The following DLG2 variants were observed in gnomAD, a reference collection of about 807,000 sequenced individuals.
DLG2 encodes disks large homolog 2.
DLG2 carries 45 observed loss-of-function variants against 132.5 expected under a neutral mutation model. The observed-to-expected ratio is 0.34, with a 90% CI of 0.27 to 0.44. DLG2 has a LOEUF of 0.44. Ranked by LOEUF, DLG2 falls within the 20% of genes least tolerant of loss-of-function variation. The pLI, the probability that DLG2 is intolerant of heterozygous loss-of-function variation, is 1.00. For synonymous variants in DLG2, 424 were observed against 419.6 expected (o/e 1.01, Z -0.13); for missense variants, 1,045 against 1,196.9 (o/e 0.87, Z 1.87).
chr11:85,412,679 T>C (rs1277119325), intron 3 of DLG2, among the ~76,000 whole-genome samples: 1 of 150,098 alleles, frequency 6.7e-6, no homozygotes, highest in Non-Finnish European at 1.5e-5. Context: ...CATCCCAGTC[T>C]CTGTGAATGC....
At chr11:83,759,307 A>T (rs2093793487) in intron 18 of DLG2, among the ~76,000 whole-genome samples, 1 of 152,232 alleles carries the variant, frequency 6.6e-6, no homozygotes, top group African/African-American at 2.4e-5. Context: ...GCCGAATGGC[A>T]GAGGGCACAT....
At chr11:84,266,248 G>T (rs1456443401) in intron 7 of DLG2, among the ~76,000 whole-genome samples, 1 of 152,170 alleles carries the variant, frequency 6.6e-6, no homozygotes, top group Non-Finnish European at 1.5e-5. Context: ...AACTTCACAA[G>T]TGAGGAAGAT....
intron 8 of DLG2, among the ~76,000 whole-genome samples, chr11:84,197,282 A>G (rs938284697): frequency 6.6e-6 from 1 of 152,144 alleles, no homozygotes; most frequent in Admixed American, 6.5e-5. Context: ...TGACTCTTAC[A>G]TTATGCCATT....
At chr11:83,599,587 A>T (rs2058187376) in intron 19 of DLG2, among the ~76,000 whole-genome samples, 1 of 152,098 alleles carries the variant, frequency 6.6e-6, no homozygotes, top group Non-Finnish European at 1.5e-5. Context: ...TCTTTGTGAC[A>T]CCATGGGGCA....
At chr11:84,166,594 C>T (rs113388746) in intron 8 of DLG2, among the ~76,000 whole-genome samples, 3,639 of 149,378 alleles carry the variant, frequency 0.024, 60 homozygotes, top group Non-Finnish European at 0.036. Flanking sequence ...CCTTTTCAAA[C>T]GAATATACCA....
intron 18 of DLG2, among the ~76,000 whole-genome samples, chr11:83,710,166 CTT>C (rs34223532): frequency 1.4e-3 from 199 of 145,218 alleles, no homozygotes; most frequent in African/African-American, 4.5e-3. Flanking sequence ...AAATAAGGTA[CTT>C]TTTTTTTTTT....
intron 3 of DLG2, among the ~76,000 whole-genome samples, chr11:85,528,755 A>C (rs2153189213): frequency 6.6e-6 from 1 of 152,316 alleles, no homozygotes; most frequent in Admixed American, 6.5e-5. Flanking sequence ...TAGTTTAATT[A>C]TCTGCTATAG....
intron 18 of DLG2, among the ~76,000 whole-genome samples, chr11:83,696,677 G>A (rs369656444): frequency 5.9e-5 from 9 of 152,280 alleles, no homozygotes; most frequent in South Asian, 4.1e-4. Context: ...TCTACCTTCC[G>A]AGAGGGAAAT....
chr11:85,203,898 C>T (rs894723450), intron 4 of DLG2, among the ~76,000 whole-genome samples: 6 of 152,060 alleles, frequency 3.9e-5, no homozygotes, highest in African/African-American at 1.4e-4. Context: ...AATCAATCAA[C>T]ATAATACATC....
At chr11:85,542,349 G>A (rs2076026488) in intron 3 of DLG2, among the ~76,000 whole-genome samples, 2 of 152,078 alleles carry the variant, frequency 1.3e-5, no homozygotes, top group African/African-American at 4.8e-5. Context: ...AAAAATGTGT[G>A]TACAAACTGA....
chr11:84,127,542 T>G (rs1308397120), intron 9 of DLG2, among the ~76,000 whole-genome samples: 1 of 152,188 alleles, frequency 6.6e-6, no homozygotes, highest in East Asian at 1.9e-4. Flanking sequence ...TGGTGATTTG[T>G]CGGTAATCTT....
intron 6 of DLG2, among the ~76,000 whole-genome samples, chr11:85,001,491 G>C (rs1319340486): frequency 1.3e-5 from 2 of 152,190 alleles, no homozygotes; most frequent in Non-Finnish European, 2.9e-5. Context: ...ACAACTCTCA[G>C]ATGCTGGATG....
intron 3 of DLG2, among the ~76,000 whole-genome samples, chr11:85,402,996 A>G (rs533026646): frequency 6.6e-6 from 1 of 152,302 alleles, no homozygotes; most frequent in East Asian, 1.9e-4. Flanking sequence ...TACTAGGTAT[A>G]TACCCAAAGG....
intron 12 of DLG2, among the ~76,000 whole-genome samples, chr11:83,979,886 T>G (rs905859547): frequency 1.3e-5 from 2 of 152,166 alleles, no homozygotes; most frequent in African/African-American, 4.8e-5. Flanking sequence ...GGAGACACAT[T>G]ATGTTGGAAG....
At position 85,096,771 on chromosome 11, in the gene DLG2, A is replaced by G. The variant is rs114934215; in HGVS notation, c.357+14890T>C. ...CCCTTTTCGCTTGCCATTCTGTCCT[A>G]TTTTTCCTTAGAATTTGGGGGTTAA... On this transcript the variant is annotated intron_variant, in intron 6 of 27. Transcript: ENST00000376104. 9.8e-3 allele frequency among the ~76,000 whole-genome samples: 1,493 copies of G among 152,108 alleles called. 26 individuals carry two copies. Among genetic ancestry groups the G allele is most frequent in the African/African-American group, 0.033 (1,357 of 41,488 alleles).
intron 8 of DLG2, among the ~76,000 whole-genome samples, chr11:84,200,579 C>A (rs2096578911): frequency 1.3e-5 from 2 of 152,142 alleles, no homozygotes; most frequent in South Asian, 4.1e-4. Context: ...TATCCATGAG[C>A]ATGGAATGTT....
At chr11:83,818,778 T>C (rs763760494) in intron 17 of DLG2, among the ~76,000 whole-genome samples, 7 of 152,122 alleles carry the variant, frequency 4.6e-5, no homozygotes, top group African/African-American at 9.7e-5. Flanking sequence ...AAAATTAAGG[T>C]TGTACTCTTT....
At chr11:84,637,476 A>G (rs2099642745) in intron 6 of DLG2, among the ~76,000 whole-genome samples, 1 of 152,244 alleles carries the variant, frequency 6.6e-6, no homozygotes, top group Non-Finnish European at 1.5e-5. Flanking sequence ...CTAGAGAAGC[A>G]GCCTGATAAA....
chr11:83,921,335 T>C (rs12288941), intron 15 of DLG2, among the ~76,000 whole-genome samples: 15,362 of 152,210 alleles, frequency 0.1, 1,001 homozygotes, highest in Middle Eastern at 0.22. Context: ...ACAAAACTTC[T>C]GCTCAAATAA....
Sources: gnomAD v4.1 joint callset for allele counts (sites outside exome capture counted in the v4.1 genomes callset) on GRCh38, gnomAD v4.1.1 for gene constraint, MANE v1.5 for transcripts, NCBI Gene and HGNC (gene_info 2026-07-23, HGNC 2026-07-21) for gene names.